Variants in DPYD observed in about 807,000 individuals in gnomAD.
The protein encoded by DPYD is dihydropyrimidine dehydrogenase.
Under a neutral mutation model 116.2 loss-of-function variants are expected in DPYD, and 109 were observed. The ratio of observed to expected loss-of-function variants is 0.94; its 90% CI spans 0.80 to 1.10. The LOEUF (loss-of-function observed/expected upper bound fraction) is 1.10. Ranked by LOEUF, DPYD falls within the 50% of genes least tolerant of loss-of-function variation. DPYD has a pLI of 0.00. For missense variants in DPYD, 1,302 were observed against 1,254.5 expected (o/e 1.04, Z -0.57); for synonymous variants, 440 against 432.0 (o/e 1.02, Z -0.23).
intron 3 of DPYD, among the ~76,000 whole-genome samples, chr1:97,790,417 T>C (rs1667257182): frequency 6.6e-6 from 1 of 152,236 alleles, no homozygotes; most frequent in South Asian, 2.1e-4. Context: ...AGAAGGATTC[T>C]ACACCAGACG....
At chr1:97,285,586 T>C (rs1665620467) in intron 18 of DPYD, among the ~76,000 whole-genome samples, 1 of 152,300 alleles carries the variant, frequency 6.6e-6, no homozygotes, top group South Asian at 2.1e-4. Context: ...CACTCAAAGT[T>C]TAAATCCATA....
chr1:97,540,483 G>A (rs957720347), intron 12 of DPYD, among the ~76,000 whole-genome samples: 1 of 152,182 alleles, frequency 6.6e-6, no homozygotes, highest in African/African-American at 2.4e-5. Context: ...GGCAAGGTCT[G>A]AAAGGGCCCC....
At chr1:97,168,398 T>C (rs975320147) in intron 20 of DPYD, among the ~76,000 whole-genome samples, 1 of 152,178 alleles carries the variant, frequency 6.6e-6, no homozygotes, top group African/African-American at 2.4e-5. Context: ...TGTTTTATCA[T>C]CAGTTAAAGC....
In DPYD at chr1:97,098,498, A is replaced by G. The variant is rs1650429858; in HGVS notation, c.2757T>C (p.Pro919=). The stretch of plus-strand genomic sequence containing the variant: ...TTGGCATAATTTTTACCTTGATGGT[A>G]GGAATAGGCCTTTTGGGGATAAAAC... The part of the protein sequence containing the change: ...RNCFIPKRPI[P]TIKDVIGKAL... The change falls in exon 21 of 23, where the codon CCT becomes CCC. Residue 919 remains proline (P), a synonymous_variant. Transcript: ENST00000370192. 5.6e-6 allele frequency: 9 copies of G among 1,612,640 alleles called. 1 individual carries two copies. In the East Asian group the frequency reaches 1.8e-4, roughly 32 times the overall value.
intron 16 of DPYD, among the ~76,000 whole-genome samples, chr1:97,335,646 C>G (rs972518894): frequency 1.3e-5 from 2 of 152,136 alleles, no homozygotes; most frequent in African/African-American, 4.8e-5. Context: ...CCACAGCTCT[C>G]TCTAACTTAG....
chr1:97,143,734 T>C (rs1432032867), intron 20 of DPYD, among the ~76,000 whole-genome samples: 4 of 152,188 alleles, frequency 2.6e-5, no homozygotes, highest in African/African-American at 9.6e-5. Flanking sequence ...CTCACACTTT[T>C]AGTGTCTGAG....
intron 8 of DPYD, among the ~76,000 whole-genome samples, chr1:97,673,536 G>A (rs1450802088): frequency 2.0e-5 from 3 of 152,068 alleles, no homozygotes; most frequent in Non-Finnish European, 4.4e-5. Context: ...CTATGTACCC[G>A]CCACTTTGCT....
At chr1:97,136,918 A>T (rs934252694) in intron 20 of DPYD, among the ~76,000 whole-genome samples, 2 of 152,220 alleles carry the variant, frequency 1.3e-5, no homozygotes, top group Admixed American at 6.5e-5. Context: ...AATCGTTAAA[A>T]TGGACAACTA....
intron 22 of DPYD, among the ~76,000 whole-genome samples, chr1:97,081,789 C>T (rs556151447): frequency 1.7e-4 from 26 of 149,120 alleles, no homozygotes; most frequent in Admixed American, 1.6e-3. Context: ...AGCTATGGCT[C>T]ACTTCATGAG....
At chr1:97,290,506 G>T (rs961936877) in intron 18 of DPYD, among the ~76,000 whole-genome samples, 4 of 152,004 alleles carry the variant, frequency 2.6e-5, no homozygotes. Flanking sequence ...CAATGGAACA[G>T]AACAGAGCCC....
chr1:97,118,693 C>T (rs1249281363), intron 20 of DPYD, among the ~76,000 whole-genome samples: 1 of 152,176 alleles, frequency 6.6e-6, no homozygotes, highest in African/African-American at 2.4e-5. Context: ...CAAAAATTAA[C>T]TCTTATCTAA....
intron 19 of DPYD, among the ~76,000 whole-genome samples, chr1:97,207,310 A>G (rs1460160289): frequency 6.6e-6 from 1 of 152,144 alleles, no homozygotes; most frequent in Non-Finnish European, 1.5e-5. Flanking sequence ...TATATCACTC[A>G]TTGCATCATT....
rs55776428 is a variant in DPYD at position 97,306,417 on chromosome 1, T to C, written c.2059-120A>G. The C allele has an allele frequency of 5.4e-3, 7,168 of 1,326,188 alleles. 41 individuals are homozygous for C. Among genetic ancestry groups the C allele is most frequent in the Middle Eastern group, 9.2e-3 (49 of 5,310 alleles). The allele number at this position is 1,326,188 out of a possible 1,614,324, so 82.2% of individuals were successfully genotyped here. The stretch of plus-strand genomic sequence containing the variant: ...AAATCCAACTTGACAATGAGCTACA[T>C]GATATATTTCTCAAATTCCTCCTCA... On this transcript the variant is annotated intron_variant, in intron 16 of 22. Transcript: ENST00000370192.
At chr1:97,217,284 T>C (rs1660473765) in intron 19 of DPYD, among the ~76,000 whole-genome samples, 1 of 152,196 alleles carries the variant, frequency 6.6e-6, no homozygotes, top group East Asian at 1.9e-4. Context: ...AACACACGTT[T>C]GTATTTCAGT....
intron 20 of DPYD, among the ~76,000 whole-genome samples, chr1:97,140,961 T>A (rs553737410): frequency 6.6e-6 from 1 of 152,300 alleles, no homozygotes; most frequent in South Asian, 2.1e-4. Flanking sequence ...AATTTTTGTG[T>A]GATGACATGA....
intron 13 of DPYD, among the ~76,000 whole-genome samples, chr1:97,461,985 T>C (rs1353431922): frequency 1.3e-5 from 2 of 152,238 alleles, no homozygotes; most frequent in Non-Finnish European, 2.9e-5. Flanking sequence ...AAACTTCCTG[T>C]CTGTGTCCTC....
At chr1:97,657,714 T>C (rs1482613557) in intron 8 of DPYD, among the ~76,000 whole-genome samples, 1 of 152,188 alleles carries the variant, frequency 6.6e-6, no homozygotes, top group African/African-American at 2.4e-5. Flanking sequence ...CAGTTTATGC[T>C]GCAATTTTTA....
intron 3 of DPYD, among the ~76,000 whole-genome samples, chr1:97,820,994 A>T (rs1447407946): frequency 1.3e-5 from 2 of 151,986 alleles, no homozygotes; most frequent in African/African-American, 4.8e-5. Context: ...CCTTTTCTCA[A>T]GTTATTCAAT....
At chr1:97,886,167 C>T (rs1672474969) in intron 1 of DPYD, among the ~76,000 whole-genome samples, 1 of 152,112 alleles carries the variant, frequency 6.6e-6, no homozygotes, top group South Asian at 2.1e-4. Flanking sequence ...GTATAACCCA[C>T]ACCACTTCAG....
Sources: gnomAD v4.1 joint callset for allele counts (sites outside exome capture counted in the v4.1 genomes callset) on GRCh38, gnomAD v4.1.1 for gene constraint, MANE v1.5 for transcripts, NCBI Gene and HGNC (gene_info 2026-07-23, HGNC 2026-07-21) for gene names.